Variants in DMXL1 observed in about 807,000 individuals in gnomAD.
DMXL1 encodes Dmx like 1, also known as dmX-like protein 1.
In DMXL1, 99 loss-of-function variants were observed where a neutral mutation model predicts 319.2. The ratio of observed to expected loss-of-function variants is 0.31; its 90% CI spans 0.26 to 0.37. The LOEUF (loss-of-function observed/expected upper bound fraction) is 0.37. DMXL1 is among the 10% of genes least tolerant of loss of function. DMXL1 has a pLI of 1.00. For missense variants in DMXL1, 3,745 were observed against 3,595.6 expected, an observed-to-expected ratio of 1.04 and a Z score of -1.06; for synonymous variants, 1,385 against 1,235.2, an observed-to-expected ratio of 1.12 and a Z score of -2.54.
At chr5:119,164,913 C>T (rs1181653141) in intron 20 of DMXL1, among the ~76,000 whole-genome samples, 2 of 151,822 alleles carry the variant, frequency 1.3e-5, no homozygotes, top group Non-Finnish European at 2.9e-5. Context: ...CTGATTTTTA[C>T]AAAATAATAT....
chr5:119,110,108 A>G lies in DMXL1; in HGVS notation c.365-43A>G, dbSNP rs374255427. The stretch of plus-strand genomic sequence containing the variant: ...TCTTGAGCATGTAAATTAAGTCACT[A>G]TTAAATACCTAAATAATAAATGAGG... On this transcript the variant is annotated intron_variant, in intron 4 of 43. Transcript: ENST00000539542. 10 of 1,525,130 alleles carry G rather than the reference A, an allele frequency of 6.6e-6. No individual in the cohort carries two copies. The Admixed American group carries it at 8.6e-5, about 13-fold the overall frequency. The allele number at this position is 1,525,130 out of a possible 1,614,324, so 94.5% of individuals were successfully genotyped here. A position where few individuals can be genotyped will look rare whatever the true frequency, so the allele number is the denominator to read the frequency against.
At chr5:119,197,225 G>A (rs1315806905) in intron 31 of DMXL1, among the ~76,000 whole-genome samples, 1 of 152,176 alleles carries the variant, frequency 6.6e-6, no homozygotes, top group Admixed American at 6.5e-5. Context: ...TTAAAGCAGG[G>A]GTGTCCAATC....
At position 119,133,510 on chromosome 5, in the gene DMXL1, G is replaced by T. The variant is rs1401346405; in HGVS notation, c.1586G>T (p.Arg529Ile). 6 of 1,606,072 alleles carry T rather than the reference G, an allele frequency of 3.7e-6. No individual in the cohort carries two copies. The highest frequency in any genetic ancestry group is 1.1e-5 in the South Asian group (1 of 89,176). Residue 529 changes from arginine (R) to isoleucine (I), a missense_variant, in exon 12 of 44, where the codon AGA becomes ATA. Physicochemically the swap from Arg to Ile is moderately conservative, Grantham distance 97 (BLOSUM62 -3). This residue lies in a region of DMXL1 where 2,096 missense variants were observed against 1,985.4 expected (regional missense o/e 1.06). Transcript: ENST00000539542. ...FRQVQVSFVS[R>I]IPVAFPTGDA... Reference sequence around the variant, plus strand: ...TGATTCTAGGTGTCCTTTGTTTCCAGAATTCCAGTAGCTTTCCCCACAGGT... The same window carrying T: ...TGATTCTAGGTGTCCTTTGTTTCCATAATTCCAGTAGCTTTCCCCACAGGT...
chr5:119,113,196 T>TA (rs991280428), intron 5 of DMXL1, among the ~76,000 whole-genome samples: 4 of 151,882 alleles, frequency 2.6e-5, no homozygotes, highest in African/African-American at 9.7e-5. Context: ...CCTGCACACA[T>TA]ATACACATCT....
chr5:119,130,555 C>G (rs56326433), intron 10 of DMXL1, among the ~76,000 whole-genome samples: 11 of 152,260 alleles, frequency 7.2e-5, no homozygotes, highest in Non-Finnish European at 1.5e-4. Context: ...GTTAGTCAGA[C>G]TGGTCTCGAA....
rs928888542 is a variant in DMXL1 at position 119,132,730 on chromosome 5, A to G, written c.1316-402A>G. Reference sequence around the variant, plus strand: ...TTTCTGGGTTGACAATTAGTCCTATATTGGCATTGCTGCTGGCTATGAAAC... The same window carrying G: ...TTTCTGGGTTGACAATTAGTCCTATGTTGGCATTGCTGCTGGCTATGAAAC... On this transcript the variant is annotated intron_variant, in intron 10 of 43. Coordinates refer to ENST00000539542, the MANE Select transcript of DMXL1 (RefSeq NM_001290321.3). 1.9e-5 allele frequency: 10 copies of G among 527,446 alleles called. No homozygotes were observed. The East Asian group carries it at 4.3e-4, about 23-fold the overall frequency. 32.7% of individuals were successfully genotyped at this position (527,446 alleles called of 1,614,324 possible).
intron 5 of DMXL1, among the ~76,000 whole-genome samples, chr5:119,111,458 T>C (rs547195097): frequency 1.8e-4 from 28 of 152,326 alleles, no homozygotes; most frequent in African/African-American, 6.7e-4. Flanking sequence ...CTGTTTTAAC[T>C]TTTTTTAAAA....
intron 34 of DMXL1, among the ~76,000 whole-genome samples, chr5:119,210,762 T>G (rs1298957982): frequency 6.8e-6 from 1 of 146,738 alleles, no homozygotes; most frequent in East Asian, 2.0e-4. Context: ...CTTTCGTTTT[T>G]TTTTTTTTTT....
rs534561275 is a variant in DMXL1, at chr5:119,238,907, GA to G, written c.8560-81del. 2.4e-5 allele frequency: 38 copies of G among 1,552,810 alleles called. No individual in the cohort carries two copies. The East Asian group carries it at 8.3e-4, about 34-fold the overall frequency. The stretch of plus-strand genomic sequence containing the variant: ...GATTTAAGAAAGCCAGAAACTACAT[GA>G]TCACTTTTCGAAGAATACATTTACC... On this transcript the variant is annotated intron_variant, in intron 40 of 43. Coordinates refer to ENST00000539542, the MANE Select transcript of DMXL1 (RefSeq NM_001290321.3).
In DMXL1 at chr5:119,150,120, G is replaced by C; in HGVS notation, c.4293G>C (p.Thr1431=). 6.2e-7 allele frequency: 1 copy of C among 1,613,694 alleles called. No homozygotes were observed. The highest frequency in any genetic ancestry group is 1.3e-5 in the African/African-American group (1 of 75,006). Residue 1431 remains threonine (T), a synonymous_variant, in exon 18 of 44, where the codon ACG becomes ACC. Coordinates refer to ENST00000539542, the MANE Select transcript of DMXL1 (RefSeq NM_001290321.3). ...TGGAGAAATCTAGTAATGAGAGTAC[G>C]TTAAGTAAATCAAACCAATTATCTA... ...SSLEKSSNES[T]LSKSNQLSKE...
chr5:119,092,888 G>A (rs1020625223), intron 1 of DMXL1, among the ~76,000 whole-genome samples: 1 of 152,090 alleles, frequency 6.6e-6, no homozygotes, highest in African/African-American at 2.4e-5. Context: ...ATTTTGTTTA[G>A]CCATTGACAG....
At chr5:119,122,648 C>T (rs11738702) in intron 9 of DMXL1, among the ~76,000 whole-genome samples, 86,261 of 149,564 alleles carry the variant, frequency 0.58, 25,832 homozygotes, top group East Asian at 0.97. Context: ...GCAGAGACGC[C>T]CTTCCCCTCC....
At chr5:119,116,652 T>G (rs896844400) in intron 7 of DMXL1, among the ~76,000 whole-genome samples, 1 of 152,214 alleles carries the variant, frequency 6.6e-6, no homozygotes, top group Non-Finnish European at 1.5e-5. Context: ...TTTCTCCAGA[T>G]TGTTGTTTGT....
Position 119,129,178 on chromosome 5 carries a change from AAATTTT to A in DMXL1, c.1103-25_1103-20del, listed in dbSNP as rs749584263. The A allele has an allele frequency of 2.8e-4, 400 of 1,423,008 alleles. 1 individual carries two copies. The highest frequency in any genetic ancestry group is 3.6e-4 in the Non-Finnish European group (373 of 1,042,868). The allele number at this position is 1,423,008 out of a possible 1,614,324, so 88.1% of individuals were successfully genotyped here. A position where few individuals can be genotyped will look rare whatever the true frequency, so the allele number is the denominator to read the frequency against. On this transcript the variant is annotated intron_variant, in intron 9 of 43. Transcript: ENST00000539542. ...GGATGTTTCATATGCTAGAAGGTAAAAATTTTAATTTTATCTTTTTTTTCTCTTATA... is the reference window on the plus strand; with the variant it reads ...GGATGTTTCATATGCTAGAAGGTAAAAATTTTATCTTTTTTTTCTCTTATA...
At chr5:119,093,373 T>G (rs1290273479) in intron 1 of DMXL1, among the ~76,000 whole-genome samples, 1 of 152,124 alleles carries the variant, frequency 6.6e-6, no homozygotes, top group Non-Finnish European at 1.5e-5. Context: ...TGACCTCAAG[T>G]GATCTGCCTG....
chr5:119,167,554 A>G (rs778826906), intron 22 of DMXL1, 49 bp from the exon 23 acceptor site: 6 of 1,466,458 alleles, frequency 4.1e-6, no homozygotes, highest in Non-Finnish European at 5.5e-6. Flanking sequence ...AATTTATCCT[A>G]AAATGAAACC....
At position 119,178,284 on chromosome 5, in the gene DMXL1, A is replaced by G. The variant is rs774973956; in HGVS notation, c.7135+40A>G. ...TTTTTTTAGGACTGAAGCTTTATTT[A>G]TCTGAGTGATATCATTCTCAAACGT... On this transcript the variant is annotated intron_variant, in intron 28 of 43. Coordinates refer to ENST00000539542, the MANE Select transcript of DMXL1 (RefSeq NM_001290321.3). The G allele has an allele frequency of 7.6e-6, 12 of 1,582,430 alleles. No homozygotes were observed. In the Admixed American group the frequency reaches 1.2e-4, roughly 16 times the overall value.
Position 119,139,180 on chromosome 5 carries a change from A to G in DMXL1, c.2377-4661A>G, listed in dbSNP as rs1431237012. On this transcript the variant is annotated intron_variant, in intron 13 of 43. Coordinates refer to ENST00000539542, the MANE Select transcript of DMXL1 (RefSeq NM_001290321.3). The stretch of plus-strand genomic sequence containing the variant: ...TCACTACCACCTAATATAAAAACAC[A>G]CTTAAATATACACAGACCAGTAACA... 2.6e-5 allele frequency among the ~76,000 whole-genome samples: 4 copies of G among 151,306 alleles called. No homozygotes were observed. In the East Asian group the frequency reaches 7.7e-4, roughly 29 times the overall value.
chr5:119,202,481 T>G (rs1005964956), intron 32 of DMXL1, among the ~76,000 whole-genome samples: 4 of 152,214 alleles, frequency 2.6e-5, no homozygotes, highest in African/African-American at 9.6e-5. Context: ...ATTCAAAATT[T>G]TTTGAGTACC....
Sources: allele counts gnomAD v4.1 joint callset (sites outside exome capture counted in the v4.1 genomes callset), GRCh38; gene constraint gnomAD v4.1.1; regional missense constraint gnomAD v4.1.1; transcripts MANE v1.5; gene names NCBI Gene and HGNC (gene_info 2026-07-23, HGNC 2026-07-21).